Variants in WWOX observed in about 807,000 individuals in gnomAD.
WWOX encodes the protein WW domain containing oxidoreductase, also known as WW domain-containing oxidoreductase.
In WWOX, 69 loss-of-function variants were observed where a neutral mutation model predicts 46.2. That is an observed-to-expected ratio of 1.49 (90% CI 1.23 to 1.82). The LOEUF is 1.82. WWOX is among the 40% of genes most tolerant of loss of function. The probability of loss-of-function intolerance (pLI) is 0.00; values close to 1 mark genes in which losing one functional copy is unlikely to be tolerated. For missense variants in WWOX, 919 were observed against 542.6 expected (o/e 1.69, Z -6.89); for synonymous variants, 359 against 202.6 (o/e 1.77, Z -6.56).
chr16:78,666,065 G>A (rs2047326092), intron 8 of WWOX, among the ~76,000 whole-genome samples: 1 of 151,962 alleles, frequency 6.6e-6, no homozygotes, highest in African/African-American at 2.4e-5. Flanking sequence ...CTGGAGGATT[G>A]CTTGAAGCCA....
chr16:78,538,432 T>C (rs2043811639), intron 8 of WWOX, among the ~76,000 whole-genome samples: 1 of 152,130 alleles, frequency 6.6e-6, no homozygotes, highest in South Asian at 2.1e-4. Context: ...GCCTGGTGTA[T>C]GCACTTCGGC....
intron 6 of WWOX, among the ~76,000 whole-genome samples, chr16:78,389,043 A>G (rs960670699): frequency 1.3e-5 from 2 of 152,022 alleles, no homozygotes; most frequent in Non-Finnish European, 2.9e-5. Flanking sequence ...GGTCTACATT[A>G]GAGTCAGTCT....
intron 8 of WWOX, among the ~76,000 whole-genome samples, chr16:78,580,435 C>T (rs1183636719): frequency 6.6e-6 from 1 of 152,162 alleles, no homozygotes; most frequent in African/African-American, 2.4e-5. Flanking sequence ...TCTGTGATTC[C>T]AGGTAAATAA....
At chr16:79,157,933 A>C (rs1279385099) in intron 8 of WWOX, among the ~76,000 whole-genome samples, 2 of 152,164 alleles carry the variant, frequency 1.3e-5, no homozygotes, top group African/African-American at 4.8e-5. Flanking sequence ...CTGGGTGATT[A>C]GAAAGGGTGG....
Position 78,443,893 on chromosome 16 carries a change from C to T in WWOX, c.1056+11141C>T, listed in dbSNP as rs1028185230. 7.9e-5 allele frequency among the ~76,000 whole-genome samples: 12 copies of T among 152,196 alleles called. No individual in the cohort carries two copies. In the South Asian group the frequency reaches 1.5e-3, roughly 18 times the overall value. ...TATTTCCAGTGATTTTTGGCTGCAA[C>T]GCAGTTTAGATATTGGAGGCCAGCG... On this transcript the variant is annotated intron_variant, in intron 8 of 8. Coordinates refer to ENST00000566780, the MANE Select transcript of WWOX (RefSeq NM_016373.4).
chr16:79,159,972 GGGGCTTT>G (rs146785383), intron 8 of WWOX, among the ~76,000 whole-genome samples: 3,512 of 152,154 alleles, frequency 0.023, 53 homozygotes, highest in Non-Finnish European at 0.036. Flanking sequence ...TCATACCTAG[GGGGCTTT>G]GGGATTTGGG....
chr16:78,550,455 A>T (rs1597251713), intron 8 of WWOX, among the ~76,000 whole-genome samples: 2 of 152,200 alleles, frequency 1.3e-5, no homozygotes, highest in Non-Finnish European at 1.5e-5. Flanking sequence ...GGTAGACTGG[A>T]TTTAGCTTGT....
At chr16:78,800,722 G>T (rs1003080764) in intron 8 of WWOX, among the ~76,000 whole-genome samples, 2 of 152,116 alleles carry the variant, frequency 1.3e-5, no homozygotes, top group African/African-American at 4.8e-5. Context: ...CAGAATGAGG[G>T]AATTGTCTAA....
intron 5 of WWOX, chr16:78,355,769 A>T (rs954829616): frequency 7.1e-6 from 5 of 701,336 alleles, no homozygotes; most frequent in Non-Finnish European, 1.3e-5. Flanking sequence ...AAAACAGAAT[A>T]TTCCAGTGTT....
At chr16:78,862,566 G>C (rs1193088269) in intron 8 of WWOX, among the ~76,000 whole-genome samples, 2 of 151,984 alleles carry the variant, frequency 1.3e-5, no homozygotes, top group African/African-American at 4.8e-5. Context: ...AAATTACAGA[G>C]ACTGAGACAT....
intron 8 of WWOX, among the ~76,000 whole-genome samples, chr16:78,494,657 C>A (rs928529296): frequency 1.3e-5 from 2 of 152,154 alleles, no homozygotes; most frequent in African/African-American, 4.8e-5. Context: ...CTGGATTTTG[C>A]ATGGTTCTGG....
At chr16:79,040,223 A>G (rs1043414476) in intron 8 of WWOX, among the ~76,000 whole-genome samples, 1 of 151,916 alleles carries the variant, frequency 6.6e-6, no homozygotes, top group Non-Finnish European at 1.5e-5. Flanking sequence ...TTGAACCTCA[A>G]AGAGCCAAGT....
chr16:79,048,374 C>G (rs1307265848), intron 8 of WWOX, among the ~76,000 whole-genome samples: 2 of 152,026 alleles, frequency 1.3e-5, no homozygotes, highest in African/African-American at 4.8e-5. Flanking sequence ...TACCTGTTTA[C>G]AAATTACCCC....
At chr16:78,254,762 C>T (rs1273221884) in intron 5 of WWOX, among the ~76,000 whole-genome samples, 3 of 152,102 alleles carry the variant, frequency 2.0e-5, no homozygotes, top group Non-Finnish European at 4.4e-5. Flanking sequence ...CTCGCAAGTT[C>T]AAGCGATCTG....
At chr16:78,665,561 C>G (rs1434284824) in intron 8 of WWOX, among the ~76,000 whole-genome samples, 1 of 152,058 alleles carries the variant, frequency 6.6e-6, no homozygotes, top group Non-Finnish European at 1.5e-5. Context: ...ATCATAATCT[C>G]CTTTCCCTCT....
chr16:78,598,049 C>T (rs1035388897), intron 8 of WWOX, among the ~76,000 whole-genome samples: 6 of 152,132 alleles, frequency 3.9e-5, no homozygotes, highest in African/African-American at 9.7e-5. Context: ...CTCCACTAAT[C>T]TCCAGACTGC....
chr16:78,132,610 G>C (rs1209249646), intron 4 of WWOX, among the ~76,000 whole-genome samples: 1 of 152,184 alleles, frequency 6.6e-6, no homozygotes, highest in African/African-American at 2.4e-5. Context: ...ATGTACTCTT[G>C]AGATGGTATG....
intron 8 of WWOX, among the ~76,000 whole-genome samples, chr16:78,767,381 C>T (rs1048816098): frequency 6.6e-6 from 1 of 152,010 alleles, no homozygotes; most frequent in Non-Finnish European, 1.5e-5. Flanking sequence ...GTCATCCACC[C>T]GCCTGGGCTT....
chr16:78,614,587 G>T (rs767690108), intron 8 of WWOX, among the ~76,000 whole-genome samples: 1 of 152,168 alleles, frequency 6.6e-6, no homozygotes, highest in Non-Finnish European at 1.5e-5. Context: ...AATTTCAGGG[G>T]AATGTGTGGG....
Sources: gnomAD v4.1 joint callset for allele counts (sites outside exome capture counted in the v4.1 genomes callset) on GRCh38, gnomAD v4.1.1 for gene constraint, MANE v1.5 for transcripts, NCBI Gene and HGNC (gene_info 2026-07-23, HGNC 2026-07-21) for gene names.